HDAC9: variants seen among roughly 807,000 people sequenced by gnomAD.
HDAC9 encodes MEF-2 interacting transcription repressor (MITR) protein.
Under a neutral mutation model 139.4 loss-of-function variants are expected in HDAC9, and 41 were observed. That is an observed-to-expected ratio of 0.29 (90% confidence interval 0.23 to 0.38). The LOEUF is 0.38. Among genes scored for constraint, HDAC9 ranks in the 10% least tolerant of loss-of-function variants. The probability of loss-of-function intolerance (pLI) is 1.00; values close to 1 mark genes in which losing one functional copy is unlikely to be tolerated. For missense variants in HDAC9, 1,147 were observed against 1,297.0 expected (o/e 0.88, Z 1.78); for synonymous variants, 517 against 476.2 (o/e 1.09, Z -1.12).
intron 25 of HDAC9, among the ~76,000 whole-genome samples, chr7:18,992,531 T>G (rs1362303460): frequency 6.6e-6 from 1 of 151,822 alleles, no homozygotes; most frequent in African/African-American, 2.4e-5. Context: ...GGAAGAGGAG[T>G]AGAAGTAAGA....
intron 2 of HDAC9, among the ~76,000 whole-genome samples, chr7:18,279,862 C>T (rs1039464510): frequency 9.2e-5 from 14 of 152,072 alleles, no homozygotes; most frequent in Admixed American, 6.6e-5. Flanking sequence ...TTATTTCTTG[C>T]ATGAAAGCTT....
At chr7:18,755,609 A>T (rs1180571406) in intron 14 of HDAC9, among the ~76,000 whole-genome samples, 1 of 152,166 alleles carries the variant, frequency 6.6e-6, no homozygotes, top group African/African-American at 2.4e-5. Flanking sequence ...GTTCAGTTGC[A>T]TAAAGGATTG....
intron 13 of HDAC9, among the ~76,000 whole-genome samples, chr7:18,733,447 A>T (rs1324323239): frequency 6.6e-6 from 1 of 151,084 alleles, no homozygotes; most frequent in Non-Finnish European, 1.5e-5. Context: ...TCTATTTTTT[A>T]AATTGCTGTC....
At chr7:18,501,605 G>A (rs1798380098) in intron 2 of HDAC9, among the ~76,000 whole-genome samples, 1 of 151,974 alleles carries the variant, frequency 6.6e-6, no homozygotes, top group Non-Finnish European at 1.5e-5. Context: ...TAACATCAGT[G>A]ATATGTTCTT....
At chr7:18,563,838 C>CTTTTT (rs374816857) in intron 2 of HDAC9, among the ~76,000 whole-genome samples, 1 of 132,974 alleles carries the variant, frequency 7.5e-6, no homozygotes, top group African/African-American at 2.8e-5. Flanking sequence ...TGATTTGCTG[C>CTTTTT]TTTTTTTTTT....
At chr7:18,201,129 G>A (rs1791087799) in intron 2 of HDAC9, among the ~76,000 whole-genome samples, 1 of 152,038 alleles carries the variant, frequency 6.6e-6, no homozygotes, top group African/African-American at 2.4e-5. Context: ...CAACAGAACG[G>A]GTCTCTGCAA....
chr7:18,117,095 G>A (rs1170954365), intron 1 of HDAC9, among the ~76,000 whole-genome samples: 1 of 152,032 alleles, frequency 6.6e-6, no homozygotes, highest in Non-Finnish European at 1.5e-5. Context: ...GGTTGTAGTG[G>A]GTTGAATTGT....
chr7:18,195,351 T>A (rs1326248650), intron 2 of HDAC9, among the ~76,000 whole-genome samples: 1 of 152,190 alleles, frequency 6.6e-6, no homozygotes, highest in African/African-American at 2.4e-5. Flanking sequence ...TACCCCCATA[T>A]TACCTATCAC....
chr7:18,641,132 C>T (rs1390136710), intron 8 of HDAC9, among the ~76,000 whole-genome samples: 1 of 152,072 alleles, frequency 6.6e-6, no homozygotes, highest in Non-Finnish European at 1.5e-5. Context: ...TAATTGAAAT[C>T]AGTGGCTTAA....
At chr7:18,696,416 TG>T (rs1367047627) in intron 12 of HDAC9, among the ~76,000 whole-genome samples, 9 of 148,704 alleles carry the variant, frequency 6.1e-5, no homozygotes, top group African/African-American at 2.2e-4. Context: ...AAAACTTGTA[TG>T]TTATACATTA....
chr7:18,895,973 A>C (rs1409241900), intron 22 of HDAC9, among the ~76,000 whole-genome samples: 1 of 152,142 alleles, frequency 6.6e-6, no homozygotes, highest in African/African-American at 2.4e-5. Flanking sequence ...CTATACAAGC[A>C]TAAAGAAAAC....
chr7:18,875,458 T>C (rs1468942686), intron 22 of HDAC9, among the ~76,000 whole-genome samples: 1 of 152,180 alleles, frequency 6.6e-6, no homozygotes, highest in Non-Finnish European at 1.5e-5. Flanking sequence ...GCAAATGTGC[T>C]GTATTAATTT....
intron 1 of HDAC9, among the ~76,000 whole-genome samples, chr7:18,436,702 T>A (rs1176461761): frequency 6.6e-6 from 1 of 152,224 alleles, no homozygotes; most frequent in Non-Finnish European, 1.5e-5. Context: ...ATGTGCTAAG[T>A]GAGGCTTCAT....
intron 1 of HDAC9, among the ~76,000 whole-genome samples, chr7:18,375,559 T>G (rs1253016104): frequency 6.6e-6 from 1 of 152,186 alleles, no homozygotes; most frequent in Admixed American, 6.5e-5. Flanking sequence ...TCCTTTCCTT[T>G]TCTCCTTAGC....
At chr7:18,173,103 T>C (rs1788578566) in intron 2 of HDAC9, among the ~76,000 whole-genome samples, 1 of 152,180 alleles carries the variant, frequency 6.6e-6, no homozygotes, top group Non-Finnish European at 1.5e-5. Context: ...TTTGTAGGTC[T>C]CTAAGGACTT....
chr7:18,430,504 G>A (rs1206933290), intron 1 of HDAC9: 2 of 152,174 alleles, frequency 1.3e-5, no homozygotes, highest in East Asian at 3.8e-4. Context: ...GATTATAGGT[G>A]TGAGTCATTG....
chr7:18,123,139 T>G (rs778777138), intron 1 of HDAC9, among the ~76,000 whole-genome samples: 1 of 152,228 alleles, frequency 6.6e-6, no homozygotes, highest in African/African-American at 2.4e-5. Flanking sequence ...AAAATTACTT[T>G]AAAATGGAAG....
At chr7:18,994,887 T>G (rs1185990953) in intron 25 of HDAC9, among the ~76,000 whole-genome samples, 1 of 152,150 alleles carries the variant, frequency 6.6e-6, no homozygotes, top group African/African-American at 2.4e-5. Flanking sequence ...AGGTAAACAT[T>G]ATGAAGAAGA....
chr7:18,714,695 G>C (rs551995912), intron 12 of HDAC9, among the ~76,000 whole-genome samples: 1 of 152,084 alleles, frequency 6.6e-6, no homozygotes, highest in African/African-American at 2.4e-5. Flanking sequence ...AGCTTTTCTT[G>C]GTTGCTTCTA....
Sources: allele counts gnomAD v4.1 joint callset (sites outside exome capture counted in the v4.1 genomes callset), GRCh38; gene constraint gnomAD v4.1.1; transcripts MANE v1.5; gene names NCBI Gene and HGNC (gene_info 2026-07-23, HGNC 2026-07-21).